Variants in PCDH9 observed in about 807,000 individuals in gnomAD.
PCDH9 encodes protocadherin 9, also known as protocadherin-9.
Under a neutral mutation model 70.6 loss-of-function variants are expected in PCDH9, and 24 were observed. The observed-to-expected ratio is 0.34, with a 90% CI of 0.25 to 0.48. PCDH9 has a LOEUF of 0.48. PCDH9 is among the 20% of genes least tolerant of loss of function. The pLI is 0.99. For synonymous variants in PCDH9, 562 were observed against 558.5 expected (o/e 1.01, Z -0.09); for missense variants, 1,281 against 1,503.6 (o/e 0.85, Z 2.45).
intron 3 of PCDH9, among the ~76,000 whole-genome samples, chr13:66,798,473 T>C (rs1041469309): frequency 6.6e-6 from 1 of 152,130 alleles, no homozygotes; most frequent in Admixed American, 6.6e-5. Context: ...GATAAGTGGT[T>C]CACCTTTCCA....
intron 4 of PCDH9, among the ~76,000 whole-genome samples, chr13:66,437,933 A>T (rs1329671713): frequency 6.6e-6 from 1 of 152,106 alleles, no homozygotes. Context: ...GGTTGTTTTC[A>T]GTTTATAAAA....
intron 2 of PCDH9, among the ~76,000 whole-genome samples, chr13:66,990,683 A>G (rs1446411181): frequency 6.6e-6 from 1 of 151,156 alleles, no homozygotes; most frequent in Non-Finnish European, 1.5e-5. Flanking sequence ...CACAATTGAT[A>G]GCAATTTCTC....
chr13:66,736,992 GA>G (rs995163683), intron 3 of PCDH9, among the ~76,000 whole-genome samples: 174 of 152,028 alleles, frequency 1.1e-3, no homozygotes, highest in African/African-American at 3.9e-3. Flanking sequence ...TTCCTGAGGG[GA>G]AAAAAACAGT....
intron 4 of PCDH9, among the ~76,000 whole-genome samples, chr13:66,305,642 T>G (rs949122789): frequency 1.3e-5 from 2 of 152,114 alleles, no homozygotes; most frequent in African/African-American, 4.8e-5. Context: ...AGAATAACTA[T>G]TGTATCTTAC....
chr13:67,064,244 A>AACTCATTCT (rs942645000), intron 2 of PCDH9, among the ~76,000 whole-genome samples: 2 of 152,118 alleles, frequency 1.3e-5, no homozygotes, highest in African/African-American at 4.8e-5. Flanking sequence ...AGACAGCTCC[A>AACTCATTCT]ACTCATTCTA....
intron 3 of PCDH9, among the ~76,000 whole-genome samples, chr13:66,856,699 C>T (rs1013237475): frequency 5.9e-5 from 9 of 151,976 alleles, no homozygotes; most frequent in South Asian, 4.2e-4. Context: ...CCTACCATGG[C>T]GTTATAAAAA....
chr13:67,226,132 A>G lies in PCDH9; in HGVS notation c.2309T>C (p.Val770Ala). 2 of 1,614,162 alleles carry G rather than the reference A, an allele frequency of 1.2e-6. No individual in the cohort carries two copies. Among genetic ancestry groups the G allele is most frequent in the Non-Finnish European group, 1.7e-6 (2 of 1,180,024 alleles). The change falls in exon 2 of 5, where the codon GTA (valine) becomes GCA (alanine). Residue 770 changes from valine (V) to alanine (A), a missense_variant. By Grantham distance (64) the Val-to-Ala change is moderately conservative (BLOSUM62 0). Transcript: ENST00000377865. The surrounding 1 kb of genome is among the most constrained non-coding windows in gnomAD (Gnocchi z 5.0). ...AGCAGTGTCGTTAACATAAAGGAAT[A>G]CAAGCACAAGCGTGTGCAAAGACTT... ...YPKSLHTLVL[V>A]FLYVNDTAGN...
At chr13:67,197,057 T>C (rs1361702442) in intron 2 of PCDH9, among the ~76,000 whole-genome samples, 3 of 151,680 alleles carry the variant, frequency 2.0e-5, no homozygotes, top group Non-Finnish European at 4.4e-5. Context: ...CTGTGCAATT[T>C]ATAGTAATGA....
chr13:66,679,514 A>G (rs1286585529), intron 3 of PCDH9, among the ~76,000 whole-genome samples: 2 of 151,894 alleles, frequency 1.3e-5, no homozygotes, highest in Non-Finnish European at 2.9e-5. Context: ...TCAACTCAAT[A>G]TAACCTTCTC....
At chr13:66,916,583 T>A (rs1001469821) in intron 2 of PCDH9, among the ~76,000 whole-genome samples, 2 of 151,564 alleles carry the variant, frequency 1.3e-5, no homozygotes, top group Non-Finnish European at 3.0e-5. Context: ...ATAAAATGTA[T>A]GTGAATACAA....
intron 3 of PCDH9, among the ~76,000 whole-genome samples, chr13:66,745,831 T>G (rs1306362589): frequency 2.0e-5 from 3 of 152,208 alleles, no homozygotes; most frequent in Non-Finnish European, 4.4e-5. Flanking sequence ...GTGGCTAGTG[T>G]TTAGCTGTCG....
At chr13:66,597,510 G>C (rs1022441988) in intron 4 of PCDH9, among the ~76,000 whole-genome samples, 1 of 151,730 alleles carries the variant, frequency 6.6e-6, no homozygotes, top group Non-Finnish European at 1.5e-5. Context: ...ATGGTGCTGG[G>C]AAGACTGGAC....
chr13:66,511,112 C>A (rs1423423644), intron 4 of PCDH9, among the ~76,000 whole-genome samples: 1 of 152,106 alleles, frequency 6.6e-6, no homozygotes, highest in Non-Finnish European at 1.5e-5. Flanking sequence ...TCTCAACATT[C>A]ATATCCAAAA....
At chr13:67,173,892 G>T (rs992929991) in intron 2 of PCDH9, among the ~76,000 whole-genome samples, 1 of 152,056 alleles carries the variant, frequency 6.6e-6, no homozygotes, top group Non-Finnish European at 1.5e-5. Context: ...AGAGCATTTT[G>T]CACAAAATCA....
intron 3 of PCDH9, among the ~76,000 whole-genome samples, chr13:66,632,040 C>T (rs1308157657): frequency 6.6e-6 from 1 of 152,150 alleles, no homozygotes; most frequent in Admixed American, 6.5e-5. Context: ...ATTTCAGGCG[C>T]ATGCCACCAT....
At chr13:67,009,567 T>A (rs1166552570) in intron 2 of PCDH9, among the ~76,000 whole-genome samples, 1 of 152,070 alleles carries the variant, frequency 6.6e-6, no homozygotes, top group Non-Finnish European at 1.5e-5. Flanking sequence ...TATGTTAAAT[T>A]CTTTTTCATT....
intron 3 of PCDH9, among the ~76,000 whole-genome samples, chr13:66,769,134 T>C (rs2324967): frequency 0.37 from 56,637 of 151,782 alleles, 10,845 homozygotes; most frequent in East Asian, 0.58. Flanking sequence ...TAAGTCTCAA[T>C]CAGCCATCAA....
At chr13:66,585,790 T>A (rs2076954757) in intron 4 of PCDH9, among the ~76,000 whole-genome samples, 1 of 152,112 alleles carries the variant, frequency 6.6e-6, no homozygotes, top group Non-Finnish European at 1.5e-5. Flanking sequence ...AGCAATTACA[T>A]TGGACTGTAT....
intron 4 of PCDH9, among the ~76,000 whole-genome samples, chr13:66,617,323 C>G (rs899096739): frequency 6.6e-6 from 1 of 152,156 alleles, no homozygotes; most frequent in African/African-American, 2.4e-5. Context: ...AGAAGAGAAC[C>G]ACGGATGCCT....
Sources: gnomAD v4.1 joint callset for allele counts (sites outside exome capture counted in the v4.1 genomes callset) on GRCh38, gnomAD v4.1.1 for gene constraint, Gnocchi (gnomAD v3.1) non-coding constraint, MANE v1.5 for transcripts, NCBI Gene and HGNC (gene_info 2026-07-23, HGNC 2026-07-21) for gene names.